Variants in HLF observed in about 807,000 individuals in gnomAD.
HLF encodes the protein HLF transcription factor, PAR bZIP family member, also known as hepatic leukemia factor.
A neutral mutation model predicts 22.6 loss-of-function variants in HLF; 3 were observed. The ratio of observed to expected loss-of-function variants is 0.13; its 90% confidence interval spans 0.06 to 0.34. HLF has a LOEUF of 0.34. Among genes scored for constraint, HLF ranks in the 10% least tolerant of loss-of-function variants. The pLI, the probability that HLF is intolerant of heterozygous loss-of-function variation, is 1.00. For synonymous variants in HLF, 151 were observed against 151.8 expected (o/e 0.99, Z 0.04); for missense variants, 299 against 389.2 (o/e 0.77, Z 1.95).
At chr17:55,277,304 C>A (rs2080914422) in intron 2 of HLF, among the ~76,000 whole-genome samples, 1 of 91,030 alleles carries the variant, frequency 1.1e-5, no homozygotes, top group Non-Finnish European at 2.0e-5. Context: ...GGCATGCGTG[C>A]ATTTGGGTTT....
intron 2 of HLF, among the ~76,000 whole-genome samples, chr17:55,300,873 G>C (rs534277994): frequency 6.6e-6 from 1 of 152,306 alleles, no homozygotes; most frequent in East Asian, 1.9e-4. Flanking sequence ...CCGTTCTCTT[G>C]AGGATAGAAC....
intron 2 of HLF, among the ~76,000 whole-genome samples, chr17:55,290,550 T>C (rs1306620661): frequency 6.6e-6 from 1 of 152,210 alleles, no homozygotes; most frequent in African/African-American, 2.4e-5. Context: ...ACTTCATAAA[T>C]GTTACGTATG....
rs1039005995 is a variant in HLF, at chr17:55,322,638, G to A, written c.*1759G>A. The A allele has an allele frequency of 3.7e-5, 8 of 216,300 alleles. No homozygotes were observed. The highest frequency in any genetic ancestry group is 7.5e-5 in the Non-Finnish European group (8 of 107,030). 13.4% of individuals were successfully genotyped at this position (216,300 alleles called of 1,614,324 possible). A position where few individuals can be genotyped will look rare whatever the true frequency, so the allele number is the denominator to read the frequency against. On this transcript the variant is annotated 3_prime_UTR_variant, in exon 4 of 4. Transcript: ENST00000226067. Reference sequence around the variant, plus strand: ...CTTGTTTCTTATTAGGCCTCAGAAAGAAGTCAGTTAACGTCACCCAAAAGC... The same window carrying A: ...CTTGTTTCTTATTAGGCCTCAGAAAAAAGTCAGTTAACGTCACCCAAAAGC...
rs2080776137 is a variant in HLF at position 55,265,203 on chromosome 17, G to C, written c.-282G>C. 3.3e-6 allele frequency: 1 copy of C among 304,226 alleles called. No homozygotes were observed. The highest frequency in any genetic ancestry group is 1.2e-4 in the South Asian group (1 of 8,252). 18.8% of individuals were successfully genotyped at this position (304,226 alleles called of 1,614,324 possible). ...GAACATTTTGCAAAACGAGGGGTTC[G>C]AGGCAGGTGAGAGCATCCTGCACGT... is the stretch of plus-strand genomic sequence containing the variant. On this transcript the variant is annotated 5_prime_UTR_variant, in exon 1 of 4. Transcript: ENST00000226067.
intron 2 of HLF, among the ~76,000 whole-genome samples, chr17:55,296,806 G>A (rs1339645821): frequency 6.6e-6 from 1 of 152,134 alleles, no homozygotes; most frequent in African/African-American, 2.4e-5. Flanking sequence ...AAAAGTGTGT[G>A]AGAAAGCTGT....
chr17:55,285,063 G>A (rs1329193757), intron 2 of HLF, among the ~76,000 whole-genome samples: 2 of 152,144 alleles, frequency 1.3e-5, no homozygotes, highest in African/African-American at 2.4e-5. Context: ...GCCACCCCAT[G>A]GTGATTGTTT....
At position 55,322,035 on chromosome 17, in the gene HLF, A is replaced by C. The variant is rs545252101; in HGVS notation, c.*1156A>C. On this transcript the variant is annotated 3_prime_UTR_variant, in exon 4 of 4. Transcript: ENST00000226067. ...AAAAGAAAATCAGTTGATTAAGTTAATAAGTTGATGTTTTCTAAGGCCCTT... is the reference window on the plus strand; with the variant it reads ...AAAAGAAAATCAGTTGATTAAGTTACTAAGTTGATGTTTTCTAAGGCCCTT... 4.6e-6 allele frequency: 1 copy of C among 215,620 alleles called. No homozygotes were observed. The highest frequency in any genetic ancestry group is 6.9e-5 in the East Asian group (1 of 14,436). 13.4% of individuals were successfully genotyped at this position (215,620 alleles called of 1,614,324 possible).
At chr17:55,290,509 C>T (rs1191616379) in intron 2 of HLF, among the ~76,000 whole-genome samples, 2 of 152,062 alleles carry the variant, frequency 1.3e-5, no homozygotes, top group African/African-American at 2.4e-5. Flanking sequence ...TGTTTGGGGG[C>T]ACCATGAGCC....
At chr17:55,287,112 G>A (rs954352800) in intron 2 of HLF, among the ~76,000 whole-genome samples, 1 of 152,204 alleles carries the variant, frequency 6.6e-6, no homozygotes, top group African/African-American at 2.4e-5. Context: ...GCTTCAAAGA[G>A]TAATACTGTT....
At chr17:55,288,315 T>G (rs2081024872) in intron 2 of HLF, among the ~76,000 whole-genome samples, 1 of 151,932 alleles carries the variant, frequency 6.6e-6, no homozygotes, top group Non-Finnish European at 1.5e-5. Flanking sequence ...GCCCAGCTAA[T>G]TTTTGTATTT....
intron 2 of HLF, among the ~76,000 whole-genome samples, chr17:55,294,374 G>T (rs1458301486): frequency 6.6e-6 from 1 of 152,206 alleles, no homozygotes; most frequent in Admixed American, 6.5e-5. Flanking sequence ...TCAGCTGTGC[G>T]TGTGGCCCTC....
chr17:55,273,385 G>C (rs1485602428), intron 2 of HLF: 1 of 152,182 alleles, frequency 6.6e-6, no homozygotes. Context: ...GGTACAGAAA[G>C]GAATGACTGG....
At chr17:55,299,924 C>G (rs1042288030) in intron 2 of HLF, among the ~76,000 whole-genome samples, 2 of 152,124 alleles carry the variant, frequency 1.3e-5, no homozygotes, top group Non-Finnish European at 2.9e-5. Flanking sequence ...CCTTGAACTC[C>G]TGGGCTCAAG....
intron 2 of HLF, among the ~76,000 whole-genome samples, chr17:55,286,918 G>A (rs1416866219): frequency 1.3e-5 from 2 of 152,134 alleles, no homozygotes; most frequent in Non-Finnish European, 2.9e-5. Context: ...TCAGGGACTG[G>A]GATACAGCCT....
Position 55,297,018 on chromosome 17 carries a change from G to A in HLF, c.452-18209G>A, listed in dbSNP as rs149575867. Among the ~76,000 whole-genome samples the A allele has an allele frequency of 4.5e-4, 68 of 152,212 alleles. 1 individual carries two copies. The highest frequency in any genetic ancestry group is 2.1e-3 in the South Asian group (10 of 4,816). On this transcript the variant is annotated intron_variant, in intron 2 of 3. Transcript: ENST00000226067. Reference sequence around the variant, plus strand: ...GATAGAGGGTGTAAAATTAGGAGACGCAGCTCCCACTGATGATGCCTGGGT... The same window carrying A: ...GATAGAGGGTGTAAAATTAGGAGACACAGCTCCCACTGATGATGCCTGGGT...
At chr17:55,317,285 G>A (rs527838165) in intron 3 of HLF, among the ~76,000 whole-genome samples, 1 of 152,150 alleles carries the variant, frequency 6.6e-6, no homozygotes, top group East Asian at 1.9e-4. Context: ...GTATTTTAAA[G>A]CCTCGTATCT....
At chr17:55,295,696 A>G (rs981209644) in intron 2 of HLF, among the ~76,000 whole-genome samples, 5 of 152,234 alleles carry the variant, frequency 3.3e-5, no homozygotes, top group African/African-American at 1.2e-4. Context: ...GGGCTGCCCT[A>G]TGTCCCGTAC....
At chr17:55,304,328 G>A (rs1904442280) in intron 2 of HLF, among the ~76,000 whole-genome samples, 2 of 152,192 alleles carry the variant, frequency 1.3e-5, no homozygotes, top group South Asian at 4.1e-4. Context: ...GGTGGAAGGT[G>A]CACTGTCATA....
chr17:55,316,823 A>G lies in HLF; in HGVS notation c.672+1376A>G, dbSNP rs552417235. ...ACATGGTAAAAACACCAGAAAATCT[A>G]AACTAGTCAGGACATTGATGGTTAG... is the stretch of plus-strand genomic sequence containing the variant. On this transcript the variant is annotated intron_variant, in intron 3 of 3. Transcript: ENST00000226067. 4.6e-5 allele frequency among the ~76,000 whole-genome samples: 7 copies of G among 152,250 alleles called. No individual in the cohort carries two copies. The East Asian group carries it at 1.4e-3, about 29-fold the overall frequency.
Sources: gnomAD v4.1 joint callset for allele counts (sites outside exome capture counted in the v4.1 genomes callset) on GRCh38, gnomAD v4.1.1 for gene constraint, MANE v1.5 for transcripts, NCBI Gene and HGNC (gene_info 2026-07-23, HGNC 2026-07-21) for gene names.